ATP8A2: variants seen among roughly 807,000 people sequenced by gnomAD.
ATP8A2 encodes ATPase phospholipid transporting 8A2.
In ATP8A2, 100 loss-of-function variants were observed where a neutral mutation model predicts 165.6. The observed-to-expected ratio is 0.60, with a 90% CI of 0.51 to 0.71. The LOEUF is 0.71. Ranked by LOEUF, ATP8A2 falls within the 30% of genes least tolerant of loss-of-function variation. The probability of loss-of-function intolerance (pLI) is 0.00; values close to 1 mark genes in which losing one functional copy is unlikely to be tolerated. For missense variants in ATP8A2, 1,227 were observed against 1,479.5 expected (o/e 0.83, Z 2.80); for synonymous variants, 543 against 548.8 (o/e 0.99, Z 0.15).
chr13:25,446,256 C>T (rs2138217313), intron 1 of ATP8A2, among the ~76,000 whole-genome samples: 2 of 152,270 alleles, frequency 1.3e-5, no homozygotes, highest in South Asian at 4.2e-4. Flanking sequence ...GAATGCATGG[C>T]TCATAACTCT....
At chr13:25,675,740 T>A (rs1323033559) in intron 24 of ATP8A2, among the ~76,000 whole-genome samples, 1 of 152,162 alleles carries the variant, frequency 6.6e-6, no homozygotes, top group Non-Finnish European at 1.5e-5. Flanking sequence ...AATACTCTCC[T>A]GGGTTGTGCC....
intron 10 of ATP8A2, among the ~76,000 whole-genome samples, chr13:25,548,538 G>A (rs977881573): frequency 6.6e-6 from 1 of 152,200 alleles, no homozygotes; most frequent in Non-Finnish European, 1.5e-5. Context: ...ATGAGATCTT[G>A]CTTAGTTTTT....
At chr13:25,692,485 G>C (rs1454571909) in intron 24 of ATP8A2, among the ~76,000 whole-genome samples, 2 of 152,334 alleles carry the variant, frequency 1.3e-5, no homozygotes, top group East Asian at 1.9e-4. Context: ...TTTTTGAAGA[G>C]AGACTCTTGC....
chr13:25,938,090 G>T (rs1954967064), intron 33 of ATP8A2, among the ~76,000 whole-genome samples: 1 of 151,830 alleles, frequency 6.6e-6, no homozygotes, highest in African/African-American at 2.4e-5. Context: ...ATTGGAACGG[G>T]AAATGTAGCT....
chr13:25,768,091 G>A (rs1161754059), intron 25 of ATP8A2, among the ~76,000 whole-genome samples: 2 of 120,750 alleles, frequency 1.7e-5, no homozygotes, highest in Non-Finnish European at 3.5e-5. Flanking sequence ...GGGGGGTGGT[G>A]GGGGGGCAAG....
intron 24 of ATP8A2, among the ~76,000 whole-genome samples, chr13:25,625,573 A>C (rs2041079671): frequency 1.3e-5 from 2 of 152,234 alleles, no homozygotes; most frequent in Admixed American, 6.5e-5. Flanking sequence ...TTGGGGAGGC[A>C]GGGGCAGAGG....
chr13:25,937,702 A>C (rs1954945744), intron 33 of ATP8A2, among the ~76,000 whole-genome samples: 1 of 151,704 alleles, frequency 6.6e-6, no homozygotes, highest in African/African-American at 2.4e-5. Flanking sequence ...ACAAAAAATT[A>C]GCCAGGCATG....
At chr13:26,002,383 G>A (rs760523252) in intron 35 of ATP8A2, among the ~76,000 whole-genome samples, 2 of 151,752 alleles carry the variant, frequency 1.3e-5, no homozygotes, top group Admixed American at 6.6e-5. Context: ...ACTTGGACAC[G>A]GTGGGGGAAC....
chr13:25,737,733 A>C (rs1014814905), intron 25 of ATP8A2, among the ~76,000 whole-genome samples: 6 of 152,058 alleles, frequency 3.9e-5, no homozygotes, highest in African/African-American at 1.4e-4. Context: ...CCCAGGCTGG[A>C]GTGCAGTAGC....
intron 27 of ATP8A2, among the ~76,000 whole-genome samples, chr13:25,813,469 G>C (rs983865374): frequency 3.3e-5 from 4 of 121,354 alleles, no homozygotes; most frequent in Non-Finnish European, 6.8e-5. Context: ...ATATAATATG[G>C]TGATATGATC....
chr13:25,882,166 A>G (rs924739724), intron 33 of ATP8A2, among the ~76,000 whole-genome samples: 1 of 152,182 alleles, frequency 6.6e-6, no homozygotes, highest in African/African-American at 2.4e-5. Context: ...CTGACTCGGC[A>G]TTGGGTGGAT....
At chr13:25,588,955 G>A (rs2039996283) in intron 23 of ATP8A2, among the ~76,000 whole-genome samples, 1 of 152,148 alleles carries the variant, frequency 6.6e-6, no homozygotes, top group Non-Finnish European at 1.5e-5. Flanking sequence ...CAAAGTATGA[G>A]TAGGAAAGAG....
At chr13:25,646,810 C>T (rs1217131020) in intron 24 of ATP8A2, among the ~76,000 whole-genome samples, 1 of 151,976 alleles carries the variant, frequency 6.6e-6, no homozygotes, top group Non-Finnish European at 1.5e-5. Context: ...TACTTTGTTC[C>T]TTTTTCCATT....
At chr13:25,395,840 C>T (rs562238437) in intron 1 of ATP8A2, among the ~76,000 whole-genome samples, 1 of 151,970 alleles carries the variant, frequency 6.6e-6, no homozygotes, top group African/African-American at 2.4e-5. Context: ...TCTGGCTGAT[C>T]CAATTTTTCT....
At chr13:25,849,652 T>G (rs532171184) in intron 30 of ATP8A2, among the ~76,000 whole-genome samples, 1 of 152,360 alleles carries the variant, frequency 6.6e-6, no homozygotes, top group Non-Finnish European at 1.5e-5. Flanking sequence ...TTGTCCCAGA[T>G]GTTCACAGTA....
chr13:25,480,404 C>T (rs1477535840), intron 2 of ATP8A2, among the ~76,000 whole-genome samples: 5 of 148,842 alleles, frequency 3.4e-5, no homozygotes, highest in Middle Eastern at 3.6e-3. Flanking sequence ...TCAGACGGGG[C>T]GGTTGCCAGG....
chr13:25,376,046 G>A (rs757020345), intron 1 of ATP8A2, among the ~76,000 whole-genome samples: 8 of 152,088 alleles, frequency 5.3e-5, no homozygotes, highest in African/African-American at 1.9e-4. Context: ...AATACAAGCC[G>A]TGCTAATGTG....
At chr13:25,511,174 T>C (rs1258292758) in intron 2 of ATP8A2, among the ~76,000 whole-genome samples, 10 of 152,252 alleles carry the variant, frequency 6.6e-5, no homozygotes, top group African/African-American at 2.4e-4. Context: ...TGTATCATGT[T>C]TGCCTCTTTT....
At chr13:25,705,225 T>G in intron 25 of ATP8A2, 5 of 411,526 alleles carry the variant, frequency 1.2e-5, no homozygotes, top group South Asian at 8.9e-5. Context: ...GAGAGGACTT[T>G]GACCTCTTGA....
Sources: gnomAD v4.1 joint callset for allele counts (sites outside exome capture counted in the v4.1 genomes callset) on GRCh38, gnomAD v4.1.1 for gene constraint, MANE v1.5 for transcripts, NCBI Gene and HGNC (gene_info 2026-07-23, HGNC 2026-07-21) for gene names.